TENM1: variants seen among roughly 807,000 people sequenced by gnomAD.
TENM1 encodes teneurin transmembrane protein 1.
TENM1 carries 35 observed loss-of-function variants against 174.8 expected under a neutral mutation model. The ratio of observed to expected loss-of-function variants is 0.20; its 90% confidence interval spans 0.15 to 0.27. The LOEUF is 0.27. Ranked by LOEUF, TENM1 falls within the 10% of genes least tolerant of loss-of-function variation. The probability of loss-of-function intolerance (pLI) is 1.00; values close to 1 mark genes in which losing one functional copy is unlikely to be tolerated. For missense variants in TENM1, 1,633 were observed against 2,130.1 expected, an observed-to-expected ratio of 0.77 and a Z score of 4.59; for synonymous variants, 781 against 798.7, an observed-to-expected ratio of 0.98 and a Z score of 0.37.
At chrX:124,818,746 T>C (rs1297170409) in intron 3 of TENM1, among the ~76,000 whole-genome samples, 1 of 111,823 alleles carries the variant, frequency 8.9e-6, no homozygotes, top group Non-Finnish European at 1.9e-5. Flanking sequence ...ATAATAAACA[T>C]TTGTGGTAGG....
chrX:124,636,214 T>C (rs768069982), intron 11 of TENM1, among the ~76,000 whole-genome samples: 7 of 111,916 alleles, frequency 6.3e-5, no homozygotes, highest in East Asian at 2.8e-4. Flanking sequence ...TTGCTTCCTG[T>C]ACTGAGCACA....
intron 11 of TENM1, among the ~76,000 whole-genome samples, chrX:124,633,715 C>G (rs1370813687): frequency 2.7e-5 from 3 of 110,276 alleles, no homozygotes; most frequent in Non-Finnish European, 5.7e-5. Flanking sequence ...TCATTTGGGC[C>G]AAAAAAGGCC....
chrX:124,660,803 G>A (rs753804482), intron 6 of TENM1, among the ~76,000 whole-genome samples: 8 of 112,128 alleles, frequency 7.1e-5, no homozygotes, highest in Non-Finnish European at 1.5e-4. Context: ...TTGGAAAGCA[G>A]TTCATCAGTT....
chrX:125,151,562 T>C, the TENM1 span, among the ~76,000 whole-genome samples: 4 of 112,518 alleles, frequency 3.6e-5, no homozygotes, highest in African/African-American at 1.3e-4. Context: ...TGGAAGGTTA[T>C]GAGTATAGTA....
chrX:124,578,210 G>A (rs1008895751), intron 11 of TENM1, among the ~76,000 whole-genome samples: 1 of 111,756 alleles, frequency 8.9e-6, no homozygotes, highest in African/African-American at 3.3e-5. Flanking sequence ...TTACATGAAT[G>A]AGCCACCACA....
At chrX:124,584,664 G>A (rs1193858352) in intron 11 of TENM1, among the ~76,000 whole-genome samples, 1 of 110,756 alleles carries the variant, frequency 9.0e-6, no homozygotes, top group African/African-American at 3.3e-5. Context: ...CATAATGACA[G>A]GATCAAATTC....
the TENM1 span, among the ~76,000 whole-genome samples, chrX:125,192,811 A>G: frequency 9.2e-6 from 1 of 109,008 alleles, no homozygotes; most frequent in African/African-American, 3.4e-5. Context: ...AGAACATTTA[A>G]CATGAGATCT....
intron 6 of TENM1, among the ~76,000 whole-genome samples, chrX:124,664,716 GTGTGTA>G (rs1425837475): frequency 3.0e-4 from 31 of 102,069 alleles, no homozygotes; most frequent in African/African-American, 1.0e-3. Flanking sequence ...GTGTGTGTGT[GTGTGTA>G]TCTTTTGCTT....
chrX:125,166,549 G>A, the TENM1 span, among the ~76,000 whole-genome samples: 1 of 111,467 alleles, frequency 9.0e-6, no homozygotes, highest in Non-Finnish European at 1.9e-5. Context: ...ATTGAATACT[G>A]AGGCTCAAAT....
At chrX:124,633,898 C>T (rs2050818232) in intron 11 of TENM1, among the ~76,000 whole-genome samples, 1 of 111,462 alleles carries the variant, frequency 9.0e-6, no homozygotes, top group Non-Finnish European at 1.9e-5. Flanking sequence ...ATTTCTAGTG[C>T]CACCAATGAA....
exon 32 of TENM1, chrX:124,380,797 G>A: frequency 8.3e-7 from 1 of 1,211,344 alleles, no homozygotes; most frequent in Non-Finnish European, 1.1e-6. Context: ...TTTCCTCTTC[G>A]ACAGTTGTCC....
chrX:124,548,116 G>A (rs1231653140), intron 14 of TENM1, among the ~76,000 whole-genome samples: 3 of 112,213 alleles, frequency 2.7e-5, no homozygotes, highest in Non-Finnish European at 5.6e-5. Flanking sequence ...GATTACAGGC[G>A]TGAGCAACCG....
At chrX:124,926,371 T>C (rs2058091700) in intron 1 of TENM1, among the ~76,000 whole-genome samples, 1 of 112,065 alleles carries the variant, frequency 8.9e-6, no homozygotes, top group African/African-American at 3.2e-5. Context: ...TAAATAAAAG[T>C]AACGTGTGGG....
In TENM1 at chrX:124,791,298, T is replaced by C. The variant is rs750477698; in HGVS notation, c.536-54101A>G. On this transcript the variant is annotated intron_variant, in intron 3 of 31. Coordinates refer to ENST00000422452, the Ensembl canonical transcript of TENM1. ...TTTTTGTGACCATCATTTCTTTATCTCTTCTCTCAATGCTTTCTCATAGAA... is the reference window on the plus strand; with the variant it reads ...TTTTTGTGACCATCATTTCTTTATCCCTTCTCTCAATGCTTTCTCATAGAA... 3.6e-5 allele frequency among the ~76,000 whole-genome samples: 4 copies of C among 112,040 alleles called. No individual in the cohort carries two copies. In the South Asian group the frequency reaches 1.5e-3, roughly 41 times the overall value.
exon 32 of TENM1, chrX:124,376,000 T>C (rs921801742): frequency 8.9e-6 from 1 of 112,897 alleles, no homozygotes; most frequent in African/African-American, 3.2e-5. Flanking sequence ...ATTTACAGCA[T>C]GTTGTTGTGA....
chrX:124,669,900 A>C lies in TENM1; in HGVS notation c.1168+1783T>G, dbSNP rs762850130. On this transcript the variant is annotated intron_variant, in intron 6 of 31. Coordinates refer to ENST00000422452, the Ensembl canonical transcript of TENM1. ...GGGACTTTGCTTTCATTGTGTAAAA[A>C]GTTTTTTGTGGTCTTCACAGATATT... 2.7e-5 allele frequency among the ~76,000 whole-genome samples: 3 copies of C among 111,945 alleles called. No homozygotes were observed. In the South Asian group the frequency reaches 1.1e-3, roughly 42 times the overall value.
chrX:124,706,290 T>C (rs1355388658), intron 4 of TENM1, among the ~76,000 whole-genome samples: 2 of 112,347 alleles, frequency 1.8e-5, no homozygotes, highest in Non-Finnish European at 3.8e-5. Context: ...ATTAGCTAGT[T>C]TGATAGTTTT....
At chrX:124,389,892 A>G (rs1197058338) in intron 28 of TENM1, among the ~76,000 whole-genome samples, 1 of 112,206 alleles carries the variant, frequency 8.9e-6, no homozygotes, top group Non-Finnish European at 1.9e-5. Context: ...GTTTTGCATA[A>G]CAGGACTGCT....
chrX:125,012,381 G>T, the TENM1 span, among the ~76,000 whole-genome samples: 1 of 111,750 alleles, frequency 8.9e-6, no homozygotes, highest in African/African-American at 3.3e-5. Context: ...AAAGAAACAA[G>T]AACAGATTCT....
Sources: allele counts gnomAD v4.1 joint callset (sites outside exome capture counted in the v4.1 genomes callset), GRCh38; gene constraint gnomAD v4.1.1; transcripts MANE v1.5; gene names NCBI Gene and HGNC (gene_info 2026-07-23, HGNC 2026-07-21).